Variants in PDCD11 observed in about 807,000 individuals in gnomAD.
The protein encoded by PDCD11 is protein RRP5 homolog.
A neutral mutation model predicts 198.9 loss-of-function variants in PDCD11; 97 were observed. The observed-to-expected ratio is 0.49, with a 90% confidence interval of 0.41 to 0.58. The LOEUF (loss-of-function observed/expected upper bound fraction) is 0.58, where lower values mean the gene tolerates loss of function less well. Ranked by LOEUF, PDCD11 falls within the 20% of genes least tolerant of loss-of-function variation. PDCD11 has a pLI of 0.00. For synonymous variants in PDCD11, 893 were observed against 918.0 expected, an observed-to-expected ratio of 0.97 and a Z score of 0.49; for missense variants, 2,102 against 2,312.7, an observed-to-expected ratio of 0.91 and a Z score of 1.87.
intron 8 of PDCD11, among the ~76,000 whole-genome samples, chr10:103,410,059 A>AC (rs1327496142): frequency 6.6e-6 from 1 of 151,988 alleles, no homozygotes; most frequent in African/African-American, 2.4e-5. Context: ...ACATGGTGAA[A>AC]CCCCGTCTCT....
chr10:103,433,083 T>TA (rs2032002300), intron 22 of PDCD11, among the ~76,000 whole-genome samples: 2 of 152,232 alleles, frequency 1.3e-5, no homozygotes, highest in Non-Finnish European at 2.9e-5. Context: ...TGATTTGACT[T>TA]ACTGCTTGTA....
chr10:103,446,204 G>A lies in PDCD11; in HGVS notation c.*655G>A, dbSNP rs1336891069. Reference sequence around the variant, plus strand: ...ACCTCTCCATATCTGGGCTATTCAAGGTCTTGGAGGCCAGCACAGACCCAG... The same window carrying A: ...ACCTCTCCATATCTGGGCTATTCAAAGTCTTGGAGGCCAGCACAGACCCAG... On this transcript the variant is annotated 3_prime_UTR_variant, in exon 36 of 36. Coordinates refer to ENST00000369797, the MANE Select transcript of PDCD11 (RefSeq NM_014976.2). The A allele has an allele frequency of 6.6e-6, 1 of 152,312 alleles. No homozygotes were observed. The highest frequency in any genetic ancestry group is 2.4e-5 in the African/African-American group (1 of 41,442). 9.4% of individuals were successfully genotyped at this position (152,312 alleles called of 1,614,324 possible).
rs752831983 is a variant in PDCD11, at chr10:103,415,059, A to C, written c.1426A>C (p.Met476Leu). ...YGMLVKVGEQ[M>L]RGLVPPMHLA... ...GATGCTGGTGAAGGTGGGCGAGCAGATGAGGGGCCTGGTACCTCCCATGCA... is the reference window on the plus strand; with the variant it reads ...GATGCTGGTGAAGGTGGGCGAGCAGCTGAGGGGCCTGGTACCTCCCATGCA... The change falls in exon 12 of 36, where the codon ATG (methionine) becomes CTG (leucine). Residue 476 changes from methionine (M) to leucine (L), a missense_variant. Coordinates refer to ENST00000369797, the MANE Select transcript of PDCD11 (RefSeq NM_014976.2). 6.2e-7 allele frequency: 1 copy of C among 1,614,094 alleles called. No individual in the cohort carries two copies. The highest frequency in any genetic ancestry group is 8.5e-7 in the Non-Finnish European group (1 of 1,180,000).
chr10:103,425,037 T>G lies in PDCD11; in HGVS notation c.2817T>G (p.Phe939Leu), dbSNP rs1418674448. The G allele has an allele frequency of 6.2e-7, 1 of 1,614,254 alleles. No homozygotes were observed. Residue 939 changes from phenylalanine (F) to leucine (L), a missense_variant, in exon 20 of 36, where the codon TTT becomes TTG. Phe to Leu is a conservative substitution (Grantham distance 22). Coordinates refer to ENST00000369797, the MANE Select transcript of PDCD11 (RefSeq NM_014976.2). ...QAIVQHLEKS[F>L]AIASLVETGH... ...TTGTGCAGCACTTGGAGAAGTCCTTTGCCATTGCCTCCTTGGTAGAGACGG... is the reference window on the plus strand; with the variant it reads ...TTGTGCAGCACTTGGAGAAGTCCTTGGCCATTGCCTCCTTGGTAGAGACGG...
rs1430980425 is a variant in PDCD11 at position 103,416,384 on chromosome 10, T to A, written c.1519-107T>A. On this transcript the variant is annotated intron_variant, in intron 12 of 35. Coordinates refer to ENST00000369797, the MANE Select transcript of PDCD11 (RefSeq NM_014976.2). ...GATTAGAGGAAAAGCTATAGCAGGTTCTTGGGGAATGGCCCCGTGGCTTTT... is the reference window on the plus strand; with the variant it reads ...GATTAGAGGAAAAGCTATAGCAGGTACTTGGGGAATGGCCCCGTGGCTTTT... 3 of 1,098,022 alleles carry A rather than the reference T, an allele frequency of 2.7e-6. No homozygotes were observed. In the Admixed American group the frequency reaches 6.0e-5, roughly 22 times the overall value. 68.0% of individuals were successfully genotyped at this position (1,098,022 alleles called of 1,614,324 possible).
At chr10:103,398,745 G>A (rs556188347) in intron 2 of PDCD11, among the ~76,000 whole-genome samples, 8 of 152,308 alleles carry the variant, frequency 5.3e-5, no homozygotes, top group East Asian at 1.9e-4. Context: ...TTAGCTGGGC[G>A]TAGTGGCTCA....
At chr10:103,443,030 G>C (rs1454885193) in intron 32 of PDCD11, 135 bp from the exon 33 acceptor site, 1 of 670,080 alleles carries the variant, frequency 1.5e-6, no homozygotes, top group Non-Finnish European at 2.4e-6. Context: ...CAGCCTCTTA[G>C]GGTCTACATT....
intron 25 of PDCD11, 146 bp downstream of exon 25, chr10:103,435,121 C>T (rs1398379552): frequency 4.2e-6 from 2 of 480,372 alleles, no homozygotes; most frequent in Non-Finnish European, 6.9e-6. Flanking sequence ...TGTTTCTCTA[C>T]CACTTTTTGC....
chr10:103,421,296 G>T, intron 16 of PDCD11, 52 bp from the exon 17 acceptor site: 2 of 1,429,326 alleles, frequency 1.4e-6, no homozygotes, highest in Non-Finnish European at 1.9e-6. Flanking sequence ...CAAGTGGGTT[G>T]TCTTAATGAA....
At position 103,438,803 on chromosome 10, in the gene PDCD11, C is replaced by T. The variant is rs1270323190; in HGVS notation, c.4020C>T (p.Phe1340=). ...YVGSIQPHGV[F]FRLGPSVVGL... The stretch of plus-strand genomic sequence containing the variant: ...GGTCCATCCAGCCACACGGTGTGTT[C>T]TTTCGGTGAGTGAGGGGGGCTCTGC... The change falls in exon 27 of 36, where the codon TTC becomes TTT. Residue 1340 remains phenylalanine, a synonymous_variant. Coordinates refer to ENST00000369797, the MANE Select transcript of PDCD11 (RefSeq NM_014976.2). The T allele has an allele frequency of 1.2e-6, 2 of 1,613,860 alleles. No individual in the cohort carries two copies. Among genetic ancestry groups the T allele is most frequent in the Non-Finnish European group, 1.7e-6 (2 of 1,180,014 alleles).
At chr10:103,431,164 C>G (rs546805790) in intron 21 of PDCD11, among the ~76,000 whole-genome samples, 3 of 151,916 alleles carry the variant, frequency 2.0e-5, no homozygotes, top group Non-Finnish European at 4.4e-5. Flanking sequence ...ATTACTTGTA[C>G]CAGTTTGGTT....
At chr10:103,414,392 C>A in intron 11 of PDCD11, 62 bp downstream of exon 11, 1 of 1,202,712 alleles carries the variant, frequency 8.3e-7, no homozygotes, top group Non-Finnish European at 1.2e-6. Context: ...AGTTCACGCA[C>A]AGGTGACTGT....
At chr10:103,437,057 G>A (rs10883868) in intron 25 of PDCD11, among the ~76,000 whole-genome samples, 45,024 of 152,054 alleles carry the variant, frequency 0.3, 8,041 homozygotes, top group South Asian at 0.48. Context: ...GAGATCAAAC[G>A]TTCTCAGGAT....
Position 103,444,550 on chromosome 10 carries a change from A to G in PDCD11, c.5312A>G (p.Glu1771Gly). The G allele has an allele frequency of 6.2e-7, 1 of 1,614,142 alleles. No homozygotes were observed. The highest frequency in any genetic ancestry group is 8.5e-7 in the Non-Finnish European group (1 of 1,180,012). ...GTCATTGCCAAGTTTGCCCAGCTTG[A>G]GTTTCAGCTGGGGGATGCAGAGCGG... The part of the protein sequence containing the change: ...VDVIAKFAQL[E>G]FQLGDAERAK... The change falls in exon 35 of 36, where the codon GAG (glutamate) becomes GGG (glycine). Residue 1771 changes from glutamate (E) to glycine (G), a missense_variant. Physicochemically the swap from Glu to Gly is moderately conservative, Grantham distance 98. Transcript: ENST00000369797.
chr10:103,427,422 G>A (rs986756346), intron 21 of PDCD11, 31 bp downstream of exon 21: 9 of 1,563,182 alleles, frequency 5.8e-6, no homozygotes, highest in Admixed American at 1.7e-5. Flanking sequence ...ACTGTCTTAC[G>A]GAAAGAGCAC....
At chr10:103,439,890 C>G in intron 28 of PDCD11, 22 bp downstream of exon 28, 1 of 1,613,974 alleles carries the variant, frequency 6.2e-7, no homozygotes, top group South Asian at 1.1e-5. Context: ...CCCGTTCTCT[C>G]TCTCTCTGTA....
chr10:103,444,376 T>G, intron 34 of PDCD11, 141 bp from the exon 35 acceptor site: 1 of 795,254 alleles, frequency 1.3e-6, no homozygotes, highest in Non-Finnish European at 2.0e-6. Context: ...CCACCCCTTT[T>G]GGGTCTTTGT....
chr10:103,408,527 A>C (rs1179621047), intron 7 of PDCD11, among the ~76,000 whole-genome samples: 2 of 151,696 alleles, frequency 1.3e-5, no homozygotes, highest in African/African-American at 4.8e-5. Context: ...TTAATTTTTA[A>C]AATTTTTATA....
Position 103,422,900 on chromosome 10 carries a change from C to T in PDCD11, c.2498-88C>T, listed in dbSNP as rs2031516726. On this transcript the variant is annotated intron_variant, in intron 17 of 35. Coordinates refer to ENST00000369797, the MANE Select transcript of PDCD11 (RefSeq NM_014976.2). ...TCAGTGGTTCCAGTGCTCCACTGTCCTCCGTGGTGATAGCACACTGCCAGA... is the reference window on the plus strand; with the variant it reads ...TCAGTGGTTCCAGTGCTCCACTGTCTTCCGTGGTGATAGCACACTGCCAGA... 4.8e-6 allele frequency: 6 copies of T among 1,241,918 alleles called. No individual in the cohort carries two copies. In the East Asian group the frequency reaches 8.4e-5, roughly 17 times the overall value. 76.9% of individuals were successfully genotyped at this position (1,241,918 alleles called of 1,614,324 possible).
Sources: gnomAD v4.1 joint callset for allele counts (sites outside exome capture counted in the v4.1 genomes callset) on GRCh38, gnomAD v4.1.1 for gene constraint, MANE v1.5 for transcripts, NCBI Gene and HGNC (gene_info 2026-07-23, HGNC 2026-07-21) for gene names.